The following RIMS1 variants were observed in gnomAD, a reference collection of about 807,000 sequenced individuals.
RIMS1 encodes regulating synaptic membrane exocytosis 1.
RIMS1 carries 83 observed loss-of-function variants against 214.1 expected under a neutral mutation model. The observed-to-expected ratio is 0.39, with a 90% confidence interval of 0.32 to 0.47. The LOEUF is 0.47. Among genes scored for constraint, RIMS1 ranks in the 20% least tolerant of loss-of-function variants. The probability of loss-of-function intolerance (pLI) is 0.99; values close to 1 mark genes in which losing one functional copy is unlikely to be tolerated. For synonymous variants in RIMS1, 793 were observed against 786.8 expected (o/e 1.01, Z -0.13); for missense variants, 2,050 against 2,161.8 (o/e 0.95, Z 1.03).
chr6:72,140,448 T>A (rs1470703980), intron 4 of RIMS1, among the ~76,000 whole-genome samples: 1 of 152,098 alleles, frequency 6.6e-6, no homozygotes, highest in Non-Finnish European at 1.5e-5. Context: ...TTCTTTAATA[T>A]TTTCCCTGGT....
At chr6:72,376,452 ACT>A (rs2098381754) in intron 29 of RIMS1, among the ~76,000 whole-genome samples, 2 of 151,964 alleles carry the variant, frequency 1.3e-5, no homozygotes, top group South Asian at 2.1e-4. Context: ...AGAGAAAAAA[ACT>A]CTATAAAAAA....
At chr6:72,056,488 A>T (rs1252919139) in intron 2 of RIMS1, among the ~76,000 whole-genome samples, 4 of 152,234 alleles carry the variant, frequency 2.6e-5, no homozygotes, top group Non-Finnish European at 5.9e-5. Context: ...TGCCTTATGC[A>T]TTATTATGCA....
chr6:72,223,942 C>T (rs1229579435), intron 6 of RIMS1, among the ~76,000 whole-genome samples: 12 of 94,720 alleles, frequency 1.3e-4, no homozygotes, highest in East Asian at 4.3e-4. Flanking sequence ...AGCGAGACTC[C>T]GTCTCAAAAA....
intron 1 of RIMS1, among the ~76,000 whole-genome samples, chr6:71,950,622 T>A (rs1465887054): frequency 6.6e-6 from 1 of 152,210 alleles, no homozygotes; most frequent in Non-Finnish European, 1.5e-5. Flanking sequence ...GTTGCAAAGC[T>A]ATTAGAATAA....
At chr6:72,380,951 A>G (rs1223701580) in intron 29 of RIMS1, among the ~76,000 whole-genome samples, 2 of 152,228 alleles carry the variant, frequency 1.3e-5, no homozygotes, top group African/African-American at 4.8e-5. Context: ...AAGTATCTCA[A>G]TCATCACAAT....
intron 23 of RIMS1, among the ~76,000 whole-genome samples, chr6:72,275,136 A>G (rs1212326654): frequency 0.016 from 28 of 1,712 alleles, 2 homozygotes; most frequent in African/African-American, 0.077. Flanking sequence ...ATATATATAT[A>G]TATATATATA....
intron 1 of RIMS1, among the ~76,000 whole-genome samples, chr6:71,924,894 G>A (rs1443555305): frequency 1.3e-5 from 2 of 150,834 alleles, no homozygotes; most frequent in Non-Finnish European, 2.9e-5. Context: ...CCAACAGCAT[G>A]CTACTTCGAA....
chr6:72,226,164 G>C (rs959851632), intron 6 of RIMS1, among the ~76,000 whole-genome samples: 1 of 152,020 alleles, frequency 6.6e-6, no homozygotes, highest in African/African-American at 2.4e-5. Flanking sequence ...TGTGTTTGTT[G>C]TTCAAGTTTT....
At chr6:72,217,874 G>T (rs1168905506) in intron 6 of RIMS1, among the ~76,000 whole-genome samples, 2 of 152,142 alleles carry the variant, frequency 1.3e-5, no homozygotes, top group Non-Finnish European at 2.9e-5. Flanking sequence ...AGATTTGGGT[G>T]TGTGACCTTG....
chr6:72,232,656 A>G (rs1297245321), intron 6 of RIMS1, among the ~76,000 whole-genome samples: 7 of 151,930 alleles, frequency 4.6e-5, no homozygotes, highest in Non-Finnish European at 7.4e-5. Flanking sequence ...CATTTGAAAA[A>G]TGTTTATTGT....
intron 6 of RIMS1, among the ~76,000 whole-genome samples, chr6:72,201,528 C>T (rs920547915): frequency 2.0e-5 from 3 of 152,260 alleles, no homozygotes; most frequent in Admixed American, 1.3e-4. Flanking sequence ...AATCTCAGAC[C>T]TGGAAGAGGG....
chr6:72,228,254 G>T (rs935791604), intron 6 of RIMS1, among the ~76,000 whole-genome samples: 1 of 151,768 alleles, frequency 6.6e-6, no homozygotes, highest in Non-Finnish European at 1.5e-5. Flanking sequence ...AATCTCTAGG[G>T]TTTATTCATC....
chr6:71,941,411 AGT>A (rs1454080188), intron 1 of RIMS1, among the ~76,000 whole-genome samples: 1 of 152,200 alleles, frequency 6.6e-6, no homozygotes, highest in Admixed American at 6.5e-5. Flanking sequence ...TTTACATAGA[AGT>A]GTGTTATAAA....
At chr6:72,203,127 A>T (rs907317013) in intron 6 of RIMS1, among the ~76,000 whole-genome samples, 2 of 152,074 alleles carry the variant, frequency 1.3e-5, no homozygotes, top group Admixed American at 1.3e-4. Context: ...AGCTGGGATT[A>T]CAGGTGCCTG....
chr6:72,234,062 A>G (rs894298539), intron 7 of RIMS1, among the ~76,000 whole-genome samples: 2 of 152,026 alleles, frequency 1.3e-5, no homozygotes, highest in African/African-American at 4.8e-5. Flanking sequence ...TATAAGTAAG[A>G]TTGAGATGTT....
At chr6:72,340,640 A>G (rs913391436) in intron 29 of RIMS1, among the ~76,000 whole-genome samples, 1 of 152,014 alleles carries the variant, frequency 6.6e-6, no homozygotes, top group African/African-American at 2.4e-5. Context: ...CCATTGGTCT[A>G]TATCTCTGTT....
chr6:72,363,954 G>T (rs2097907844), intron 29 of RIMS1, among the ~76,000 whole-genome samples: 1 of 152,178 alleles, frequency 6.6e-6, no homozygotes, highest in African/African-American at 2.4e-5. Flanking sequence ...TCCCGTTCCT[G>T]TGGGCTTAAA....
At chr6:72,386,160 A>G (rs996733177) in intron 29 of RIMS1, among the ~76,000 whole-genome samples, 4 of 152,238 alleles carry the variant, frequency 2.6e-5, no homozygotes, top group African/African-American at 4.8e-5. Flanking sequence ...GACACCCTGT[A>G]GATATACCTT....
intron 11 of RIMS1, among the ~76,000 whole-genome samples, chr6:72,246,461 T>C (rs1422312787): frequency 1.3e-5 from 2 of 152,204 alleles, no homozygotes; most frequent in African/African-American, 4.8e-5. Flanking sequence ...TTTTCAATGA[T>C]AATGCAGAAG....
Sources: allele counts gnomAD v4.1 joint callset (sites outside exome capture counted in the v4.1 genomes callset), GRCh38; gene constraint gnomAD v4.1.1; transcripts MANE v1.5; gene names NCBI Gene and HGNC (gene_info 2026-07-23, HGNC 2026-07-21).